The following DMXL2 variants were observed in gnomAD, a reference collection of about 807,000 sequenced individuals.
The protein encoded by DMXL2 is Dmx like 2.
In DMXL2, 103 loss-of-function variants were observed where a neutral mutation model predicts 331.1. That is an observed-to-expected ratio of 0.31 (90% CI 0.27 to 0.37). DMXL2 has a LOEUF of 0.37. Ranked by LOEUF, DMXL2 falls within the 10% of genes least tolerant of loss-of-function variation. The probability of loss-of-function intolerance (pLI) is 1.00; values close to 1 mark genes in which losing one functional copy is unlikely to be tolerated. For missense variants in DMXL2, 3,171 were observed against 3,642.9 expected (o/e 0.87, Z 3.33); for synonymous variants, 1,281 against 1,252.1 (o/e 1.02, Z -0.49).
chr15:51,594,143 A>G (rs1377723008), intron 1 of DMXL2, among the ~76,000 whole-genome samples: 3 of 152,220 alleles, frequency 2.0e-5, no homozygotes, highest in African/African-American at 7.2e-5. Context: ...TTTTTTGAAA[A>G]GATCAACAAA....
chr15:51,456,430 G>T, intron 37 of DMXL2, 61 bp from the exon 38 acceptor site: 1 of 998,772 alleles, frequency 1.0e-6, no homozygotes, highest in Non-Finnish European at 1.5e-6. Context: ...GGAAGGATAT[G>T]CTTCAGGATA....
At chr15:51,591,709 C>T (rs570302262) in intron 1 of DMXL2, among the ~76,000 whole-genome samples, 103 of 152,250 alleles carry the variant, frequency 6.8e-4, no homozygotes, top group African/African-American at 2.4e-3. Context: ...CGCACATGGC[C>T]GGGTACTCCT....
chr15:51,469,318 T>C (rs2040879370), intron 29 of DMXL2, among the ~76,000 whole-genome samples: 1 of 152,134 alleles, frequency 6.6e-6, no homozygotes, highest in Admixed American at 6.5e-5. Flanking sequence ...GAGTAGATAA[T>C]TTTTGAAGCT....
At chr15:51,553,659 G>C (rs984052458) in intron 6 of DMXL2, among the ~76,000 whole-genome samples, 1 of 152,010 alleles carries the variant, frequency 6.6e-6, no homozygotes, top group Non-Finnish European at 1.5e-5. Flanking sequence ...TGAGGATGAA[G>C]ACCTTATGAC....
chr15:51,525,832 C>A (rs766887046), intron 13 of DMXL2, among the ~76,000 whole-genome samples: 2 of 152,008 alleles, frequency 1.3e-5, no homozygotes, highest in African/African-American at 2.4e-5. Flanking sequence ...CCCTACCTCC[C>A]AGATGGTACT....
intron 25 of DMXL2, among the ~76,000 whole-genome samples, chr15:51,478,911 C>T (rs2041801238): frequency 1.5e-5 from 2 of 136,026 alleles, no homozygotes; most frequent in Non-Finnish European, 3.3e-5. Context: ...TTTTAAATTT[C>T]TCCATATAAT....
chr15:51,460,696 G>A (rs2040033606), intron 33 of DMXL2: 1 of 152,060 alleles, frequency 6.6e-6, no homozygotes, highest in African/African-American at 2.4e-5. Context: ...AATCCTATTT[G>A]ACAATTTTAA....
At chr15:51,590,605 T>C (rs1475848201) in intron 1 of DMXL2, among the ~76,000 whole-genome samples, 1 of 152,096 alleles carries the variant, frequency 6.6e-6, no homozygotes, top group Non-Finnish European at 1.5e-5. Context: ...AATATGTTAG[T>C]TGGACTCAAA....
chr15:51,489,801 AT>A (rs1241669439), intron 20 of DMXL2, among the ~76,000 whole-genome samples: 2 of 152,148 alleles, frequency 1.3e-5, no homozygotes, highest in Non-Finnish European at 2.9e-5. Context: ...TTTTAGAGGA[AT>A]TTTATTTGTA....
intron 24 of DMXL2, 26 bp from the exon 25 acceptor site, chr15:51,480,165 T>G: frequency 6.7e-7 from 1 of 1,483,540 alleles, no homozygotes; most frequent in Non-Finnish European, 9.0e-7. Context: ...AATTATTTTT[T>G]TCAAAGTAGT....
intron 28 of DMXL2, 60 bp from the exon 29 acceptor site, chr15:51,471,461 A>G: frequency 6.8e-7 from 1 of 1,464,354 alleles, no homozygotes; most frequent in Non-Finnish European, 9.3e-7. Context: ...TAATTGATAG[A>G]GTTAAGCTTT....
chr15:51,567,304 G>C (rs2050356535), intron 3 of DMXL2: 1 of 152,114 alleles, frequency 6.6e-6, no homozygotes, highest in African/African-American at 2.4e-5. Flanking sequence ...GCCTCCCAAA[G>C]TGTTGGGATT....
At chr15:51,609,762 C>G (rs2053832354) in intron 1 of DMXL2, among the ~76,000 whole-genome samples, 1 of 152,066 alleles carries the variant, frequency 6.6e-6, no homozygotes, top group Non-Finnish European at 1.5e-5. Flanking sequence ...AACCCCACCT[C>G]TACTAAAAAT....
intron 36 of DMXL2, chr15:51,457,812 C>A (rs2140230481): frequency 5.1e-6 from 1 of 196,274 alleles, no homozygotes; most frequent in South Asian, 1.1e-4. Flanking sequence ...TTAAAGATTT[C>A]TTGGAGTAAG....
Position 51,499,237 on chromosome 15 carries a change from T to C in DMXL2, c.3987A>G (p.Gln1329=). 3 of 1,614,040 alleles carry C rather than the reference T, an allele frequency of 1.9e-6. No individual in the cohort carries two copies. The highest frequency in any genetic ancestry group is 2.5e-6 in the Non-Finnish European group (3 of 1,180,020). The change falls in exon 18 of 44, where the codon CAA becomes CAG. Residue 1329 remains glutamine, a synonymous_variant. Transcript: ENST00000560891. ...DDVFCSPTVI[Q]DGGLFEAAHV... ...GTGCAGCCTCAAATAAGCCACCATC[T>C]TGAATTACAGTTGGTGAACAAAAAA...
chr15:51,622,344 TG>T, intron 1 of DMXL2, 114 bp downstream of exon 1: 1 of 1,384,440 alleles, frequency 7.2e-7, no homozygotes. Context: ...GGGCCACGGG[TG>T]GGGCCCACCA....
Position 51,536,417 on chromosome 15 carries a change from T to G in DMXL2, c.2063A>C (p.Lys688Thr), listed in dbSNP as rs1224043077. ...ELDCQWDSDN[K>T]LSRLMDPVKH... is the part of the protein sequence containing the mutation. The stretch of plus-strand genomic sequence containing the variant: ...TACAGGGTCCATTAATCTACTTAAT[T>G]TATTGTCTGAGTCCCACTGACAATC... The change falls in exon 12 of 44, where the codon AAA becomes ACA. Residue 688 changes from lysine (K) to threonine (T), a missense_variant. By Grantham distance (78) the Lys-to-Thr change is moderately conservative. Transcript: ENST00000560891. 3 of 1,613,964 alleles carry G rather than the reference T, an allele frequency of 1.9e-6. No homozygotes were observed. The highest frequency in any genetic ancestry group is 2.5e-6 in the Non-Finnish European group (3 of 1,179,924).
intron 1 of DMXL2, among the ~76,000 whole-genome samples, chr15:51,583,436 T>A (rs1346329601): frequency 1.7e-5 from 1 of 57,680 alleles, no homozygotes; most frequent in Non-Finnish European, 3.5e-5. Flanking sequence ...TTCATCCATG[T>A]CCCTACAAAG....
intron 1 of DMXL2, among the ~76,000 whole-genome samples, chr15:51,614,438 C>T (rs1367599035): frequency 6.6e-6 from 1 of 152,154 alleles, no homozygotes; most frequent in African/African-American, 2.4e-5. Context: ...TCAAAAGCAC[C>T]ACTGAGGAAA....
Sources: gnomAD v4.1 joint callset for allele counts (sites outside exome capture counted in the v4.1 genomes callset) on GRCh38, gnomAD v4.1.1 for gene constraint, MANE v1.5 for transcripts, NCBI Gene and HGNC (gene_info 2026-07-23, HGNC 2026-07-21) for gene names.